The following CCAR1 variants were observed in gnomAD, a reference collection of about 807,000 sequenced individuals.
The protein encoded by CCAR1 is cell division cycle and apoptosis regulator 1, also known as cell division cycle and apoptosis regulator protein 1.
CCAR1 carries 78 observed loss-of-function variants against 163.8 expected under a neutral mutation model. The ratio of observed to expected loss-of-function variants is 0.48; its 90% CI spans 0.40 to 0.57. The LOEUF is 0.57. CCAR1 is among the 20% of genes least tolerant of loss of function. The probability of loss-of-function intolerance (pLI) is 0.00; values close to 1 mark genes in which losing one functional copy is unlikely to be tolerated. For synonymous variants in CCAR1, 443 were observed against 460.7 expected, an observed-to-expected ratio of 0.96 and a Z score of 0.49; for missense variants, 1,019 against 1,365.2, an observed-to-expected ratio of 0.75 and a Z score of 4.00.
At chr10:68,747,687 T>C in intron 8 of CCAR1, 121 bp downstream of exon 8, 1 of 802,862 alleles carries the variant, frequency 1.2e-6, no homozygotes, top group Non-Finnish European at 2.0e-6. Flanking sequence ...AAATCCTGAA[T>C]AGGACACATC....
At chr10:68,739,362 G>C (rs569674566) in intron 4 of CCAR1, among the ~76,000 whole-genome samples, 2 of 152,198 alleles carry the variant, frequency 1.3e-5, no homozygotes, top group Non-Finnish European at 1.5e-5. Flanking sequence ...TGTTGGCCAA[G>C]CTGGTCTCGA....
At chr10:68,739,918 A>G (rs1289002945) in intron 4 of CCAR1, among the ~76,000 whole-genome samples, 2 of 152,210 alleles carry the variant, frequency 1.3e-5, no homozygotes, top group Admixed American at 6.6e-5. Context: ...TGTATTTCAG[A>G]ATTTTAAAAT....
rs1782338 is a variant in CCAR1, at chr10:68,756,410, C to A, written c.1763C>A (p.Thr588Asn). ...CTTCCCACCCGCTCAGAGTGGGAAA[C>A]CCTCTCCCGAGGATACAAGCAGCAG... ...HCLPTRSEWETLSRGYKQQLV... is the reference protein window; with the variant it reads ...HCLPTRSEWENLSRGYKQQLV... Residue 588 changes from threonine to asparagine, a missense_variant, in exon 14 of 25, where the codon ACC (threonine) becomes AAC (asparagine). By Grantham distance (65) the Thr-to-Asn change is moderately conservative. Coordinates refer to ENST00000265872, the MANE Select transcript of CCAR1 (RefSeq NM_018237.4). The surrounding 1 kb of genome is among the most constrained non-coding windows in gnomAD (Gnocchi z 5.1). 6.2e-7 allele frequency: 1 copy of A among 1,613,894 alleles called. No homozygotes were observed. The highest frequency in any genetic ancestry group is 8.5e-7 in the Non-Finnish European group (1 of 1,179,976).
At chr10:68,773,680 GTA>G (rs2056629433) in intron 19 of CCAR1, among the ~76,000 whole-genome samples, 1 of 138,254 alleles carries the variant, frequency 7.2e-6, no homozygotes, top group Non-Finnish European at 1.6e-5. Flanking sequence ...AAAAAAAAAT[GTA>G]TAATAGTCCT....
Position 68,783,249 on chromosome 10 carries a change from G to GC in CCAR1, c.2651-2886dup, listed in dbSNP as rs529222500. On this transcript the variant is annotated intron_variant, in intron 19 of 24. Transcript: ENST00000265872. ...CTGTTGCCCAGGCTGGAATGCAGTG[G>GC]CACGATCTTGGCTCACTGCAAGCTC... 2.4e-3 allele frequency among the ~76,000 whole-genome samples: 360 copies of GC among 152,034 alleles called. No individual in the cohort carries two copies. The Middle Eastern group carries it at 0.024, about 10-fold the overall frequency.
chr10:68,784,915 CTT>C (rs754185332), intron 19 of CCAR1, among the ~76,000 whole-genome samples: 11,160 of 123,924 alleles, frequency 0.09, 340 homozygotes, highest in South Asian at 0.14. Context: ...GTGAACATAA[CTT>C]TTTTTTTTTT....
At chr10:68,760,190 T>C (rs531182240) in intron 15 of CCAR1, among the ~76,000 whole-genome samples, 1 of 152,322 alleles carries the variant, frequency 6.6e-6, no homozygotes, top group South Asian at 2.1e-4. Context: ...ACAAGGTCTC[T>C]GTCGCCGCGG....
In CCAR1 at chr10:68,747,135, CTTTTTTTTTCT is replaced by C. The variant is rs772202068; in HGVS notation, c.519-16_519-6del. The C allele has an allele frequency of 8.4e-7, 1 of 1,194,996 alleles. No individual in the cohort carries two copies. The highest frequency in any genetic ancestry group is 2.4e-5 in the Admixed American group (1 of 42,042). 74.0% of individuals were successfully genotyped at this position (1,194,996 alleles called of 1,614,324 possible). A position where few individuals can be genotyped will look rare whatever the true frequency, so the allele number is the denominator to read the frequency against. Reference sequence around the variant, plus strand: ...CTATTTTAATTGTATTTATATTTAACTTTTTTTTTCTTTTTTTTTTTACAGTGCTGTCAAAG... The same window carrying C: ...CTATTTTAATTGTATTTATATTTAACTTTTTTTTTTACAGTGCTGTCAAAG... On this transcript the variant is annotated splice_polypyrimidine_tract_variant and intron_variant, in intron 6 of 24. Transcript: ENST00000265872.
chr10:68,755,608 C>CT (rs1319862068), intron 13 of CCAR1, 72 bp downstream of exon 13: 35 of 1,317,592 alleles, frequency 2.7e-5, no homozygotes, highest in Non-Finnish European at 3.5e-5. Flanking sequence ...ATCGATCAGC[C>CT]TTTTCCCCCC....
rs185922847 is a variant in CCAR1, at chr10:68,751,724, C to T, written c.1118+2039C>T. ...CTAAAAAATAAAAAAATTAGCTGGG[C>T]GTGGTAGTGTGCGCCTGTAATCCCA... On this transcript the variant is annotated intron_variant, in intron 10 of 24. Transcript: ENST00000265872. Among the ~76,000 whole-genome samples, 415 of 151,276 alleles carry T rather than the reference C, an allele frequency of 2.7e-3. 2 individuals carry two copies. The highest frequency in any genetic ancestry group is 9.4e-3 in the African/African-American group (388 of 41,332).
chr10:68,789,803 A>G lies in CCAR1; in HGVS notation c.3281A>G (p.Gln1094Arg), dbSNP rs2056833618. 6.2e-7 allele frequency: 1 copy of G among 1,608,076 alleles called. No homozygotes were observed. Among genetic ancestry groups the G allele is most frequent in the Non-Finnish European group, 8.5e-7 (1 of 1,177,422 alleles). ...REVKKDLSQL[Q>R]ENLKISENMN... Reference sequence around the variant, plus strand: ...GTTAAAAAGGACCTTAGTCAGTTACAAGAAAACTTAAAGATTTCGGAAAAC... The same window carrying G: ...GTTAAAAAGGACCTTAGTCAGTTACGAGAAAACTTAAAGATTTCGGAAAAC... The change falls in exon 24 of 25, where the codon CAA (glutamine) becomes CGA (arginine). Residue 1094 changes from glutamine to arginine, a missense_variant. By Grantham distance (43) the Gln-to-Arg change is conservative. Around this residue, in one of 4 missense-constraint regions of CCAR1, gnomAD observed 358 missense variants for 406.4 expected, o/e 0.88. Transcript: ENST00000265872.
intron 7 of CCAR1, 39 bp from the exon 8 acceptor site, chr10:68,747,335 A>T (rs534110119): frequency 6.3e-7 from 1 of 1,599,276 alleles, no homozygotes; most frequent in African/African-American, 1.3e-5. Flanking sequence ...TCTAATTCAC[A>T]AAGATTTTTT....
At chr10:68,721,535 G>A in intron 1 of CCAR1, 1 of 446,610 alleles carries the variant, frequency 2.2e-6, no homozygotes, top group Non-Finnish European at 4.5e-6. Context: ...CTCAGCCTCG[G>A]CATGGCGACG....
chr10:68,731,540 A>G (rs535135947), intron 2 of CCAR1, among the ~76,000 whole-genome samples: 1 of 147,932 alleles, frequency 6.8e-6, no homozygotes, highest in Non-Finnish European at 1.5e-5. Flanking sequence ...CTTCCTATCA[A>G]TTTTTCCTAG....
intron 9 of CCAR1, 74 bp from the exon 10 acceptor site, chr10:68,749,450 A>G: frequency 7.5e-7 from 1 of 1,337,252 alleles, no homozygotes; most frequent in Non-Finnish European, 1.0e-6. Flanking sequence ...TATATTACCT[A>G]CTCTATTTAC....
rs1386745145 is a variant in CCAR1, at chr10:68,747,500, G to A, written c.760G>A (p.Ala254Thr). ...GTCACTGCTGCAGGCACAGATTTCA[G>A]CAGCTTCTATTACACCACTATTGCA... ...PQSLLQAQISAASITPLLQTQ... is the reference protein window; with the variant it reads ...PQSLLQAQISTASITPLLQTQ... Residue 254 changes from alanine to threonine, a missense_variant, in exon 8 of 25, where the codon GCA becomes ACA. Physicochemically the swap from Ala to Thr is moderately conservative, Grantham distance 58. This residue lies in a region of CCAR1 where 644 missense variants were observed against 904.4 expected (regional missense o/e 0.71). Transcript: ENST00000265872. 1 of 1,614,140 alleles carries A rather than the reference G, an allele frequency of 6.2e-7. No homozygotes were observed. Among genetic ancestry groups the A allele is most frequent in the Admixed American group, 1.7e-5 (1 of 60,010 alleles).
chr10:68,757,272 C>T (rs746697710), intron 14 of CCAR1, 22 bp from the exon 15 acceptor site: 2 of 1,245,290 alleles, frequency 1.6e-6, no homozygotes, highest in Non-Finnish European at 2.3e-6. Flanking sequence ...ATAGTAATTA[C>T]ATTCTTAACT....
chr10:68,761,487 T>TA (rs1283448558), intron 16 of CCAR1, among the ~76,000 whole-genome samples: 7 of 151,646 alleles, frequency 4.6e-5, no homozygotes, highest in African/African-American at 1.7e-4. Context: ...TTTGTATTTT[T>TA]AGTAGAGACG....
chr10:68,786,244 A>C (rs369313669), intron 20 of CCAR1, 26 bp downstream of exon 20: 4 of 1,429,942 alleles, frequency 2.8e-6, no homozygotes, highest in Non-Finnish European at 3.9e-6. Flanking sequence ...TGTATTCTTT[A>C]TAATATGGTG....
Sources: allele counts gnomAD v4.1 joint callset (sites outside exome capture counted in the v4.1 genomes callset), GRCh38; gene constraint gnomAD v4.1.1; regional missense constraint gnomAD v4.1.1; non-coding constraint Gnocchi (gnomAD v3.1); transcripts MANE v1.5; gene names NCBI Gene and HGNC (gene_info 2026-07-23, HGNC 2026-07-21).